OSBP2: variants seen among roughly 807,000 people sequenced by gnomAD.
OSBP2 encodes oxysterol binding protein 2.
In OSBP2, 66 loss-of-function variants were observed where a neutral mutation model predicts 96.0. The ratio of observed to expected loss-of-function variants is 0.69; its 90% CI spans 0.56 to 0.84. The LOEUF (loss-of-function observed/expected upper bound fraction) is 0.84. Ranked by LOEUF, OSBP2 falls within the 40% of genes least tolerant of loss-of-function variation. The pLI, the probability that OSBP2 is intolerant of heterozygous loss-of-function variation, is 0.00. For missense variants in OSBP2, 1,038 were observed against 1,222.7 expected (o/e 0.85, Z 2.25); for synonymous variants, 525 against 520.9 (o/e 1.01, Z -0.11).
At chr22:30,777,884 T>A (rs1200952466) in intron 2 of OSBP2, among the ~76,000 whole-genome samples, 1 of 152,182 alleles carries the variant, frequency 6.6e-6, no homozygotes, top group Non-Finnish European at 1.5e-5. Flanking sequence ...CTCTGTCTTT[T>A]GGAGGAGAGG....
chr22:30,789,286 G>A (rs1020122202), intron 2 of OSBP2, among the ~76,000 whole-genome samples: 2 of 152,180 alleles, frequency 1.3e-5, no homozygotes, highest in Non-Finnish European at 2.9e-5. Context: ...GAGGTTGTAG[G>A]AGAGAGGATC....
intron 1 of OSBP2, among the ~76,000 whole-genome samples, chr22:30,705,913 T>C (rs182464075): frequency 2.6e-5 from 4 of 152,244 alleles, no homozygotes; most frequent in Non-Finnish European, 5.9e-5. Flanking sequence ...GCAAAGTGCT[T>C]TGTGGGAGCC....
At chr22:30,872,999 G>C (rs992055839) in intron 3 of OSBP2, among the ~76,000 whole-genome samples, 1 of 152,034 alleles carries the variant, frequency 6.6e-6, no homozygotes, top group Admixed American at 6.5e-5. Flanking sequence ...TGTTGGACCA[G>C]GGCTCTGTAA....
chr22:30,857,568 C>T (rs1014490523), intron 2 of OSBP2, among the ~76,000 whole-genome samples: 1 of 152,206 alleles, frequency 6.6e-6, no homozygotes. Flanking sequence ...TTTTATTTTT[C>T]TACCTCGAAC....
chr22:30,785,710 G>A (rs2090578701), intron 2 of OSBP2, among the ~76,000 whole-genome samples: 1 of 152,164 alleles, frequency 6.6e-6, no homozygotes, highest in Non-Finnish European at 1.5e-5. Context: ...TATCGAGGGA[G>A]GGAGCTAGTG....
intron 2 of OSBP2, among the ~76,000 whole-genome samples, chr22:30,813,572 C>A (rs750152875): frequency 1.3e-5 from 2 of 152,050 alleles, no homozygotes; most frequent in Non-Finnish European, 2.9e-5. Context: ...GCTATATAGC[C>A]ATGCTGTCTG....
intron 2 of OSBP2, among the ~76,000 whole-genome samples, chr22:30,785,428 A>G (rs1223946471): frequency 6.6e-6 from 1 of 152,048 alleles, no homozygotes; most frequent in African/African-American, 2.4e-5. Flanking sequence ...TTAGCTGGAC[A>G]TGGTGGCTGG....
At chr22:30,856,694 C>G (rs1181178812) in intron 2 of OSBP2, among the ~76,000 whole-genome samples, 1 of 151,818 alleles carries the variant, frequency 6.6e-6, no homozygotes, top group African/African-American at 2.4e-5. Flanking sequence ...GCCAAGAGCC[C>G]TTCATTTTTG....
intron 1 of OSBP2, among the ~76,000 whole-genome samples, chr22:30,727,521 C>G (rs2089670400): frequency 6.6e-6 from 1 of 152,072 alleles, no homozygotes; most frequent in Admixed American, 6.6e-5. Context: ...GGAGGCTGGA[C>G]AGCGAGCTCT....
chr22:30,866,204 A>G (rs2039332631), intron 2 of OSBP2, among the ~76,000 whole-genome samples: 1 of 152,184 alleles, frequency 6.6e-6, no homozygotes, highest in South Asian at 2.1e-4. Context: ...GAATTTTGAG[A>G]TGCGGATTCT....
At chr22:30,902,253 A>G in intron 12 of OSBP2, 1 of 1,578,950 alleles carries the variant, frequency 6.3e-7, no homozygotes, top group Non-Finnish European at 8.7e-7. Flanking sequence ...CTACCTTTTA[A>G]TATGGTTCAG....
intron 1 of OSBP2, among the ~76,000 whole-genome samples, chr22:30,735,843 C>T (rs753167463): frequency 9.2e-5 from 14 of 152,100 alleles, no homozygotes; most frequent in Admixed American, 1.3e-4. Flanking sequence ...GTGCCTCAGC[C>T]TCCCGAGTAG....
intron 2 of OSBP2, among the ~76,000 whole-genome samples, chr22:30,783,958 T>A (rs1245292146): frequency 6.6e-6 from 1 of 152,228 alleles, no homozygotes; most frequent in African/African-American, 2.4e-5. Context: ...GAAAGTGGCC[T>A]TCAGCATGTA....
chr22:30,888,378 T>C (rs1164410886), intron 5 of OSBP2, 38 bp downstream of exon 5: 8 of 1,237,036 alleles, frequency 6.5e-6, no homozygotes, highest in Non-Finnish European at 9.6e-6. Flanking sequence ...TCCCCCACCC[T>C]GGTCTTAGGC....
chr22:30,721,083 C>T (rs1006408636), intron 1 of OSBP2, among the ~76,000 whole-genome samples: 1 of 152,014 alleles, frequency 6.6e-6, no homozygotes, highest in Non-Finnish European at 1.5e-5. Flanking sequence ...AAAAATTAGC[C>T]AGACATGGTG....
At chr22:30,843,444 T>TCCCCC (rs35971934) in intron 2 of OSBP2, among the ~76,000 whole-genome samples, 2 of 120,548 alleles carry the variant, frequency 1.7e-5, no homozygotes, top group East Asian at 2.2e-4. Context: ...CAGGAATCTT[T>TCCCCC]CCCCCCTCCC....
intron 2 of OSBP2, among the ~76,000 whole-genome samples, chr22:30,747,585 G>C (rs934859362): frequency 6.6e-6 from 1 of 152,174 alleles, no homozygotes; most frequent in Non-Finnish European, 1.5e-5. Context: ...GCTAGTGGTC[G>C]TTGGGTAAAA....
intron 1 of OSBP2, among the ~76,000 whole-genome samples, chr22:30,708,350 G>T (rs2089289439): frequency 6.6e-6 from 1 of 151,878 alleles, no homozygotes; most frequent in South Asian, 2.1e-4. Context: ...CCATTACCTA[G>T]TTTCAACAAT....
chr22:30,717,377 C>T lies in OSBP2; in HGVS notation c.644+21824C>T, dbSNP rs1375581913. Among the ~76,000 whole-genome samples, 7 of 152,190 alleles carry T rather than the reference C, an allele frequency of 4.6e-5. No individual in the cohort carries two copies. The East Asian group carries it at 1.3e-3, about 29-fold the overall frequency. ...GTTGAAGAGACTGTCCTTTCCCCCA[C>T]TGAGTCATCTTGGCATCCTTGCCAA... is the stretch of plus-strand genomic sequence containing the variant. On this transcript the variant is annotated intron_variant, in intron 1 of 13. Coordinates refer to ENST00000332585, the MANE Select transcript of OSBP2 (RefSeq NM_030758.4).
Sources: gnomAD v4.1 joint callset for allele counts (sites outside exome capture counted in the v4.1 genomes callset) on GRCh38, gnomAD v4.1.1 for gene constraint, MANE v1.5 for transcripts, NCBI Gene and HGNC (gene_info 2026-07-23, HGNC 2026-07-21) for gene names.